MAP3K3: variants seen among roughly 807,000 people sequenced by gnomAD.
The protein encoded by MAP3K3 is mitogen-activated protein kinase kinase kinase 3.
MAP3K3 carries 12 observed loss-of-function variants against 80.9 expected under a neutral mutation model. That is an observed-to-expected ratio of 0.15 (90% CI 0.10 to 0.24). The LOEUF is 0.24. MAP3K3 is among the 10% of genes least tolerant of loss of function. The pLI is 1.00. For synonymous variants in MAP3K3, 272 were observed against 307.1 expected (o/e 0.89, Z 1.19); for missense variants, 596 against 834.7 (o/e 0.71, Z 3.52).
intron 2 of MAP3K3, among the ~76,000 whole-genome samples, chr17:63,644,578 A>G (rs1014358780): frequency 7.2e-5 from 11 of 152,202 alleles, no homozygotes; most frequent in African/African-American, 2.7e-4. Flanking sequence ...GAATATGGTA[A>G]ATACCAATAG....
In MAP3K3 at chr17:63,689,781, A is replaced by G; in HGVS notation, c.1063+46A>G. 1 of 1,554,790 alleles carries G rather than the reference A, an allele frequency of 6.4e-7. No homozygotes were observed. Among genetic ancestry groups the G allele is most frequent in the Non-Finnish European group, 8.7e-7 (1 of 1,144,750 alleles). The stretch of plus-strand genomic sequence containing the variant: ...AGGAGGAGACTGCCCAGGTGGTCTC[A>G]GACAAGCTACGGGGGCAAACAGCTG... On this transcript the variant is annotated intron_variant, in intron 11 of 15. Transcript: ENST00000361733. The surrounding 1 kb of genome is among the most constrained non-coding windows in gnomAD (Gnocchi z 4.3).
intron 3 of MAP3K3, 30 bp downstream of exon 3, chr17:63,646,104 T>A (rs765617563): frequency 6.2e-7 from 1 of 1,609,056 alleles, no homozygotes; most frequent in Non-Finnish European, 8.5e-7. Context: ...AGTAGCTGTG[T>A]TCATGTATGC....
intron 5 of MAP3K3, among the ~76,000 whole-genome samples, chr17:63,661,112 T>G (rs1429175733): frequency 6.6e-6 from 1 of 152,166 alleles, no homozygotes; most frequent in East Asian, 1.9e-4. Context: ...CCAGGTACGA[T>G]CTCAGCTCAT....
chr17:63,637,008 G>A (rs921850617), intron 2 of MAP3K3: 4 of 611,730 alleles, frequency 6.5e-6, no homozygotes, highest in African/African-American at 3.8e-5. Context: ...CAGATTCAGT[G>A]TGTGGTGGGG....
chr17:63,641,382 A>G (rs2034439059), intron 2 of MAP3K3, among the ~76,000 whole-genome samples: 1 of 151,780 alleles, frequency 6.6e-6, no homozygotes, highest in African/African-American at 2.4e-5. Flanking sequence ...AGCTGGGATT[A>G]CAGGTGCCCG....
At chr17:63,661,835 G>A (rs1230807007) in intron 5 of MAP3K3, among the ~76,000 whole-genome samples, 2 of 152,212 alleles carry the variant, frequency 1.3e-5, no homozygotes, top group Admixed American at 1.3e-4. Context: ...CGGGCGCGGT[G>A]GCTCACGCCT....
chr17:63,693,424 C>T lies in MAP3K3; in HGVS notation c.1653-125C>T, dbSNP rs753435082. 459 of 727,892 alleles carry T rather than the reference C, an allele frequency of 6.3e-4. 3 individuals carry two copies. In the Middle Eastern group the frequency reaches 0.01, roughly 16 times the overall value. 45.1% of individuals were successfully genotyped at this position (727,892 alleles called of 1,614,324 possible). A position where few individuals can be genotyped will look rare whatever the true frequency, so the allele number is the denominator to read the frequency against. ...TGGACAGACATCCAAGCTGAGGTAT[C>T]CCTCAGCTTGGCCTGTCCTGCACCT... is the stretch of plus-strand genomic sequence containing the variant. On this transcript the variant is annotated intron_variant, in intron 15 of 15. Transcript: ENST00000361733. The surrounding 1 kb of genome is among the most constrained non-coding windows in gnomAD (Gnocchi z 4.2).
At chr17:63,673,736 C>A (rs144925234) in intron 6 of MAP3K3, among the ~76,000 whole-genome samples, 12 of 152,114 alleles carry the variant, frequency 7.9e-5, no homozygotes, top group African/African-American at 2.9e-4. Context: ...CATGGTGAAA[C>A]CCTGTCTGTA....
intron 4 of MAP3K3, among the ~76,000 whole-genome samples, chr17:63,657,385 T>G (rs559799091): frequency 1.3e-5 from 2 of 152,244 alleles, no homozygotes; most frequent in Non-Finnish European, 2.9e-5. Flanking sequence ...CTTTATGAAT[T>G]GAATTGAATA....
intron 2 of MAP3K3, among the ~76,000 whole-genome samples, chr17:63,637,667 G>A (rs1046965331): frequency 6.6e-6 from 1 of 152,138 alleles, no homozygotes; most frequent in South Asian, 2.1e-4. Flanking sequence ...AAGGATTAAG[G>A]TTTTTCTCTC....
At position 63,622,603 on chromosome 17, in the gene MAP3K3, C is replaced by G. The variant is rs2034008510; in HGVS notation, c.-157C>G. 2 of 160,472 alleles carry G rather than the reference C, an allele frequency of 1.2e-5. No individual in the cohort carries two copies. Among genetic ancestry groups the G allele is most frequent in the African/African-American group, 4.9e-5 (2 of 40,852 alleles). The allele number at this position is 160,472 out of a possible 1,614,324, so 9.9% of individuals were successfully genotyped here. On this transcript the variant is annotated 5_prime_UTR_variant, in exon 1 of 16. Transcript: ENST00000361733. ...GCCCGGCCGCGGGCGGAGCCGGAGC[C>G]GGAGCCTGGGGAGGCGGCGGGGGCC...
At chr17:63,660,549 T>C (rs2034868222) in intron 5 of MAP3K3, among the ~76,000 whole-genome samples, 1 of 151,188 alleles carries the variant, frequency 6.6e-6, no homozygotes, top group South Asian at 2.1e-4. Context: ...TTGTGCTATC[T>C]CTTTCTTCTC....
At chr17:63,680,781 T>G (rs2035314852) in intron 6 of MAP3K3, among the ~76,000 whole-genome samples, 1 of 151,696 alleles carries the variant, frequency 6.6e-6, no homozygotes, top group Non-Finnish European at 1.5e-5. Context: ...AAAACATAAA[T>G]AATTGTTTTT....
chr17:63,664,396 A>G (rs977042790), intron 5 of MAP3K3, among the ~76,000 whole-genome samples: 4 of 152,188 alleles, frequency 2.6e-5, no homozygotes, highest in African/African-American at 9.7e-5. Flanking sequence ...ATTAAAACAG[A>G]GGACTGGACA....
chr17:63,668,387 A>G (rs1300297075), intron 6 of MAP3K3: 2 of 152,194 alleles, frequency 1.3e-5, no homozygotes, highest in African/African-American at 2.4e-5. Flanking sequence ...TTCTGTAGAT[A>G]ATTGGGGAAT....
chr17:63,679,446 TC>T (rs1221128678), intron 6 of MAP3K3, among the ~76,000 whole-genome samples: 5 of 152,124 alleles, frequency 3.3e-5, no homozygotes, highest in African/African-American at 9.7e-5. Flanking sequence ...TACCTCTACT[TC>T]CAGGTACAGG....
At chr17:63,629,192 A>G (rs2034167576) in intron 1 of MAP3K3, among the ~76,000 whole-genome samples, 1 of 151,342 alleles carries the variant, frequency 6.6e-6, no homozygotes, top group Non-Finnish European at 1.5e-5. Context: ...GCGCTATCTC[A>G]GCTCACACCA....
At chr17:63,688,219 T>C (rs954638516) in intron 8 of MAP3K3, 2 of 457,940 alleles carry the variant, frequency 4.4e-6, no homozygotes, top group Non-Finnish European at 8.0e-6. Flanking sequence ...CAAAGGATTC[T>C]CTTGGAGCTC....
intron 3 of MAP3K3, among the ~76,000 whole-genome samples, chr17:63,649,568 C>G (rs1156304142): frequency 6.6e-6 from 1 of 152,194 alleles, no homozygotes; most frequent in Non-Finnish European, 1.5e-5. Flanking sequence ...AACAGGCACA[C>G]TGCCATAGCC....
Sources: gnomAD v4.1 joint callset for allele counts (sites outside exome capture counted in the v4.1 genomes callset) on GRCh38, gnomAD v4.1.1 for gene constraint, Gnocchi (gnomAD v3.1) non-coding constraint, MANE v1.5 for transcripts, NCBI Gene and HGNC (gene_info 2026-07-23, HGNC 2026-07-21) for gene names.